The following STAU2 variants were observed in gnomAD, a reference collection of about 807,000 sequenced individuals.
The protein encoded by STAU2 is double-stranded RNA-binding protein Staufen homolog 2.
In STAU2, 20 loss-of-function variants were observed where a neutral mutation model predicts 65.9. The observed-to-expected ratio is 0.30, with a 90% CI of 0.21 to 0.44. The LOEUF is 0.44. Among genes scored for constraint, STAU2 ranks in the 20% least tolerant of loss-of-function variants. The probability of loss-of-function intolerance (pLI) is 1.00; values close to 1 mark genes in which losing one functional copy is unlikely to be tolerated. For missense variants in STAU2, 558 were observed against 683.9 expected (o/e 0.82, Z 2.05); for synonymous variants, 232 against 233.9 (o/e 0.99, Z 0.07).
At chr8:73,670,412 A>C (rs1476662288) in intron 6 of STAU2, 2 of 152,096 alleles carry the variant, frequency 1.3e-5, no homozygotes, top group African/African-American at 4.8e-5. Context: ...ACCAACTGCA[A>C]GTTTCCACAC....
chr8:73,692,710 G>C (rs1390692588), intron 4 of STAU2, among the ~76,000 whole-genome samples: 1 of 152,196 alleles, frequency 6.6e-6, no homozygotes, highest in Non-Finnish European at 1.5e-5. Flanking sequence ...GGTGAGAGCA[G>C]TGTTGTGGGA....
chr8:73,683,878 A>C (rs1818606908), intron 5 of STAU2, among the ~76,000 whole-genome samples: 1 of 152,188 alleles, frequency 6.6e-6, no homozygotes, highest in Non-Finnish European at 1.5e-5. Context: ...AAAAAATGAA[A>C]TACTTAGGAA....
intron 13 of STAU2, among the ~76,000 whole-genome samples, chr8:73,424,451 T>C (rs1816648570): frequency 6.6e-6 from 1 of 152,114 alleles, no homozygotes; most frequent in Non-Finnish European, 1.5e-5. Context: ...TCCACCCACC[T>C]TGGCCTCCCA....
At chr8:73,576,051 T>A (rs1413964948) in intron 12 of STAU2, among the ~76,000 whole-genome samples, 1 of 152,128 alleles carries the variant, frequency 6.6e-6, no homozygotes, top group Non-Finnish European at 1.5e-5. Flanking sequence ...TTTCTACTTG[T>A]TACAGCATGG....
intron 13 of STAU2, among the ~76,000 whole-genome samples, chr8:73,544,871 C>T (rs1291929842): frequency 6.6e-6 from 1 of 152,174 alleles, no homozygotes; most frequent in African/African-American, 2.4e-5. Flanking sequence ...GGATTTGTGG[C>T]CGTGGGTTAT....
intron 12 of STAU2, among the ~76,000 whole-genome samples, chr8:73,570,556 C>A (rs890820137): frequency 3.9e-5 from 6 of 152,148 alleles, no homozygotes; most frequent in Non-Finnish European, 5.9e-5. Flanking sequence ...ACTTCCCCAA[C>A]CTAGCAAGGC....
rs146558376 is a variant in STAU2, at chr8:73,529,042, T to C, written c.1530+22970A>G. Among the ~76,000 whole-genome samples, 18 of 152,238 alleles carry C rather than the reference T, an allele frequency of 1.2e-4. No homozygotes were observed. In the East Asian group the frequency reaches 3.5e-3, roughly 29 times the overall value. ...TTCCTGGGAATCTATAAAAGTAGTT[T>C]AGAGCTCAAATCAAGTCAACATAAA... is the stretch of plus-strand genomic sequence containing the variant. On this transcript the variant is annotated intron_variant, in intron 13 of 14. Transcript: ENST00000524300.
In STAU2 at chr8:73,690,328, C is replaced by CAAAAAAAAAA. The variant is rs56744849; in HGVS notation, c.115-1525_115-1516dup. Among the ~76,000 whole-genome samples, 53 of 58,232 alleles carry CAAAAAAAAAA rather than the reference C, an allele frequency of 9.1e-4. 2 individuals carry two copies. The highest frequency in any genetic ancestry group is 2.7e-3 in the East Asian group (5 of 1,858). The allele number at this position is 58,232 out of a possible 152,430, so 38.2% of individuals were successfully genotyped here. On this transcript the variant is annotated intron_variant, in intron 4 of 14. Coordinates refer to ENST00000524300, the MANE Select transcript of STAU2 (RefSeq NM_001164380.2). ...TGGGTGACAGAGCGAGACTCTGTCT[C>CAAAAAAAAAA]AAAAAAAAAAAAAAAAAAGGAAAAG...
chr8:73,737,263 C>G (rs898515964), intron 3 of STAU2, among the ~76,000 whole-genome samples: 2 of 150,418 alleles, frequency 1.3e-5, no homozygotes, highest in African/African-American at 4.9e-5. Flanking sequence ...CTCCGCCTCC[C>G]GGGTTCAAGT....
At chr8:73,564,948 C>G (rs1160804104) in intron 12 of STAU2, among the ~76,000 whole-genome samples, 1 of 152,118 alleles carries the variant, frequency 6.6e-6, no homozygotes, top group Non-Finnish European at 1.5e-5. Flanking sequence ...GCACATGTGT[C>G]CTGGAATGGA....
In STAU2 at chr8:73,421,454, T is replaced by G; in HGVS notation, c.1631A>C (p.His544Pro). The G allele has an allele frequency of 6.5e-7, 1 of 1,537,280 alleles. No individual in the cohort carries two copies. The highest frequency in any genetic ancestry group is 1.4e-5 in the African/African-American group (1 of 73,172). ...EKGSLEKQAKHLREKADNNQA... is the reference protein window; with the variant it reads ...EKGSLEKQAKPLREKADNNQA... ...GTTATTGTCCGCTTTCTCTCTCAGA[T>G]GCTTGGCTTGTCTGAAAGATTAATA... Residue 544 changes from histidine to proline, a missense_variant, in exon 15 of 15, where the codon CAT becomes CCT. This residue lies in a region of STAU2 where 247 missense variants were observed against 270.1 expected (regional missense o/e 0.91). Coordinates refer to ENST00000524300, the MANE Select transcript of STAU2 (RefSeq NM_001164380.2).
At chr8:73,609,237 G>C (rs1563455513) in intron 9 of STAU2, among the ~76,000 whole-genome samples, 1 of 151,958 alleles carries the variant, frequency 6.6e-6, no homozygotes, top group Non-Finnish European at 1.5e-5. Flanking sequence ...AGGGAAAGAG[G>C]AGGAAAAAGA....
At chr8:73,624,048 G>A (rs906181194) in intron 6 of STAU2, among the ~76,000 whole-genome samples, 2 of 152,066 alleles carry the variant, frequency 1.3e-5, no homozygotes, top group Non-Finnish European at 2.9e-5. Context: ...TAAAAGCTAG[G>A]ATAGGGTGTT....
At chr8:73,538,093 A>C (rs1410459445) in intron 13 of STAU2, among the ~76,000 whole-genome samples, 1 of 152,226 alleles carries the variant, frequency 6.6e-6, no homozygotes, top group Non-Finnish European at 1.5e-5. Flanking sequence ...CTTGATTGGA[A>C]GAGACTTGAG....
At chr8:73,577,246 A>G (rs535475296) in intron 12 of STAU2, among the ~76,000 whole-genome samples, 69 of 152,020 alleles carry the variant, frequency 4.5e-4, no homozygotes, top group Non-Finnish European at 4.3e-4. Flanking sequence ...GGCTAACACA[A>G]TGAAACCCCG....
chr8:73,436,304 G>A (rs551092152), intron 13 of STAU2, among the ~76,000 whole-genome samples: 2 of 151,864 alleles, frequency 1.3e-5, no homozygotes, highest in South Asian at 4.2e-4. Flanking sequence ...GGGATGCAGT[G>A]AGCCTGACGT....
chr8:73,730,154 T>G (rs1264037031), intron 3 of STAU2, among the ~76,000 whole-genome samples: 1 of 152,222 alleles, frequency 6.6e-6, no homozygotes, highest in East Asian at 1.9e-4. Context: ...TAGATGTTTA[T>G]TGCTAATAAT....
At chr8:73,717,382 C>G (rs753211935) in intron 3 of STAU2, among the ~76,000 whole-genome samples, 2 of 152,068 alleles carry the variant, frequency 1.3e-5, no homozygotes, top group African/African-American at 4.8e-5. Flanking sequence ...TTTTCTTCCA[C>G]GAACATTATA....
chr8:73,588,778 A>T (rs931949149), intron 11 of STAU2, among the ~76,000 whole-genome samples: 2 of 152,220 alleles, frequency 1.3e-5, no homozygotes, highest in African/African-American at 4.8e-5. Flanking sequence ...GAGGTCTGCA[A>T]ATGCTGGGAA....
Sources: allele counts gnomAD v4.1 joint callset (sites outside exome capture counted in the v4.1 genomes callset), GRCh38; gene constraint gnomAD v4.1.1; regional missense constraint gnomAD v4.1.1; transcripts MANE v1.5; gene names NCBI Gene and HGNC (gene_info 2026-07-23, HGNC 2026-07-21).